STAU2: variants seen among roughly 807,000 people sequenced by gnomAD.
The protein encoded by STAU2 is double-stranded RNA-binding protein Staufen homolog 2.
A neutral mutation model predicts 65.9 loss-of-function variants in STAU2; 20 were observed. The observed-to-expected ratio is 0.30, with a 90% CI of 0.21 to 0.44. The LOEUF (loss-of-function observed/expected upper bound fraction) is 0.44, where lower values mean the gene tolerates loss of function less well. Among genes scored for constraint, STAU2 ranks in the 20% least tolerant of loss-of-function variants. The pLI is 1.00. For synonymous variants in STAU2, 232 were observed against 233.9 expected (o/e 0.99, Z 0.07); for missense variants, 558 against 683.9 (o/e 0.82, Z 2.05).
At chr8:73,536,709 T>C (rs1254515785) in intron 13 of STAU2, among the ~76,000 whole-genome samples, 1 of 152,112 alleles carries the variant, frequency 6.6e-6, no homozygotes, top group Non-Finnish European at 1.5e-5. Context: ...GTCAGGACTT[T>C]CACCCCCACC....
intron 6 of STAU2, among the ~76,000 whole-genome samples, chr8:73,658,372 A>T (rs11995780): frequency 0.48 from 72,581 of 150,570 alleles, 19,318 homozygotes; most frequent in Non-Finnish European, 0.62. Flanking sequence ...CATCTCAATT[A>T]AAAAAAAAAA....
intron 4 of STAU2, among the ~76,000 whole-genome samples, chr8:73,700,687 A>G (rs1820034537): frequency 6.6e-6 from 1 of 151,854 alleles, no homozygotes; most frequent in Non-Finnish European, 1.5e-5. Context: ...GAAAAAATAA[A>G]TTGGAAGAAT....
At position 73,586,423 on chromosome 8, in the gene STAU2, G is replaced by T. The variant is rs563798239; in HGVS notation, c.1162-3593C>A. ...AGGTGCCTACCCCTTCCTAATAGGG[G>T]TTTCCTGTTGGGAGAGGCTAAAACA... is the stretch of plus-strand genomic sequence containing the variant. On this transcript the variant is annotated intron_variant, in intron 11 of 14. Transcript: ENST00000524300. Among the ~76,000 whole-genome samples the T allele has an allele frequency of 2.0e-5, 3 of 152,174 alleles. No homozygotes were observed. The East Asian group carries it at 5.8e-4, about 29-fold the overall frequency.
chr8:73,538,348 A>C (rs1443363574), intron 13 of STAU2, among the ~76,000 whole-genome samples: 4 of 152,192 alleles, frequency 2.6e-5, no homozygotes, highest in Non-Finnish European at 5.9e-5. Flanking sequence ...TTACAATACG[A>C]AATAAAATCA....
intron 6 of STAU2, among the ~76,000 whole-genome samples, chr8:73,620,400 G>A (rs2129916735): frequency 6.6e-6 from 1 of 152,246 alleles, no homozygotes; most frequent in Non-Finnish European, 1.5e-5. Flanking sequence ...GAGGGAGTGG[G>A]CGCCACTATA....
chr8:73,665,023 C>T (rs986530669), intron 6 of STAU2, among the ~76,000 whole-genome samples: 2 of 152,018 alleles, frequency 1.3e-5, no homozygotes, highest in Non-Finnish European at 2.9e-5. Context: ...ATATCTGTGA[C>T]CATGGGGGAT....
At chr8:73,695,499 T>C (rs1819636463) in intron 4 of STAU2, among the ~76,000 whole-genome samples, 1 of 152,198 alleles carries the variant, frequency 6.6e-6, no homozygotes, top group East Asian at 1.9e-4. Flanking sequence ...GGCTCTGACA[T>C]GTACTGGCTT....
chr8:73,715,367 A>G (rs1821179549), intron 3 of STAU2, among the ~76,000 whole-genome samples: 1 of 151,700 alleles, frequency 6.6e-6, no homozygotes, highest in Admixed American at 6.6e-5. Flanking sequence ...GAGGCACCAG[A>G]ATCGCTTGAA....
chr8:73,720,832 T>C (rs1241219198), intron 3 of STAU2, among the ~76,000 whole-genome samples: 1 of 152,002 alleles, frequency 6.6e-6, no homozygotes, highest in Non-Finnish European at 1.5e-5. Flanking sequence ...TACTTTCTAA[T>C]TTACCTTTCC....
chr8:73,552,882 C>T (rs1055463095), intron 12 of STAU2, among the ~76,000 whole-genome samples: 3 of 152,180 alleles, frequency 2.0e-5, no homozygotes, highest in African/African-American at 7.2e-5. Context: ...TCAAAACTAG[C>T]ACTGTCTCTA....
At chr8:73,611,229 C>G (rs1812433694) in intron 9 of STAU2, among the ~76,000 whole-genome samples, 1 of 152,170 alleles carries the variant, frequency 6.6e-6, no homozygotes, top group Non-Finnish European at 1.5e-5. Context: ...TTAAAATTAT[C>G]TAGATTCCAA....
intron 6 of STAU2, among the ~76,000 whole-genome samples, chr8:73,646,938 GAC>G (rs142043134): frequency 0.051 from 7,357 of 143,930 alleles, 451 homozygotes; most frequent in African/African-American, 0.15. Flanking sequence ...CACACAGCCA[GAC>G]ACACACACAC....
chr8:73,580,203 A>G (rs187377807), intron 12 of STAU2, among the ~76,000 whole-genome samples: 69 of 152,362 alleles, frequency 4.5e-4, no homozygotes, highest in African/African-American at 1.7e-3. Context: ...CAAACAAAAA[A>G]CCATAGTGAG....
In STAU2 at chr8:73,532,923, A is replaced by G. The variant is rs75354775; in HGVS notation, c.1530+19089T>C. Among the ~76,000 whole-genome samples the G allele has an allele frequency of 5.9e-3, 894 of 152,280 alleles. 9 individuals are homozygous for G. Among genetic ancestry groups the G allele is most frequent in the African/African-American group, 0.02 (842 of 41,540 alleles). On this transcript the variant is annotated intron_variant, in intron 13 of 14. Coordinates refer to ENST00000524300, the MANE Select transcript of STAU2 (RefSeq NM_001164380.2). ...CCACCCAGCCCCTTCCACAGCTTCAAGATATTCTGCCTCCTTAGGTTGAAC... is the reference window on the plus strand; with the variant it reads ...CCACCCAGCCCCTTCCACAGCTTCAGGATATTCTGCCTCCTTAGGTTGAAC...
At chr8:73,425,105 C>G (rs542261588) in intron 13 of STAU2, among the ~76,000 whole-genome samples, 46 of 152,256 alleles carry the variant, frequency 3.0e-4, no homozygotes, top group African/African-American at 9.6e-4. Flanking sequence ...TCCCTGGATA[C>G]TGTTATAGGT....
At chr8:73,519,955 C>G (rs1465943310) in intron 13 of STAU2, among the ~76,000 whole-genome samples, 5 of 152,160 alleles carry the variant, frequency 3.3e-5, no homozygotes, top group Non-Finnish European at 7.3e-5. Flanking sequence ...AGTTTTAACT[C>G]TCTCTTGGTT....
intron 6 of STAU2, among the ~76,000 whole-genome samples, chr8:73,634,885 T>C (rs1158527297): frequency 1.3e-5 from 2 of 152,214 alleles, no homozygotes; most frequent in Non-Finnish European, 2.9e-5. Flanking sequence ...CAGGGCTCTA[T>C]TCTTCCTATA....
At chr8:73,720,977 T>C (rs1344833164) in intron 3 of STAU2, among the ~76,000 whole-genome samples, 2 of 151,658 alleles carry the variant, frequency 1.3e-5, no homozygotes, top group East Asian at 3.9e-4. Flanking sequence ...TCCTTTTGAA[T>C]TCATTTAAGA....
intron 3 of STAU2, among the ~76,000 whole-genome samples, chr8:73,726,170 A>G (rs1805612374): frequency 6.6e-6 from 1 of 152,200 alleles, no homozygotes; most frequent in South Asian, 2.1e-4. Context: ...TAACTGAAAT[A>G]ACTCTGGAAT....
Sources: allele counts gnomAD v4.1 joint callset (sites outside exome capture counted in the v4.1 genomes callset), GRCh38; gene constraint gnomAD v4.1.1; transcripts MANE v1.5; gene names NCBI Gene and HGNC (gene_info 2026-07-23, HGNC 2026-07-21).